The following ALK variants were observed in gnomAD, a reference collection of about 807,000 sequenced individuals.
The protein encoded by ALK is ALK tyrosine kinase receptor.
A neutral mutation model predicts 163.1 loss-of-function variants in ALK; 74 were observed. The observed-to-expected ratio is 0.45, with a 90% confidence interval of 0.38 to 0.55. The LOEUF is 0.55. ALK is among the 20% of genes least tolerant of loss of function. ALK has a pLI of 0.00. For missense variants in ALK, 2,063 were observed against 2,105.3 expected (o/e 0.98, Z 0.39); for synonymous variants, 960 against 843.2 (o/e 1.14, Z -2.40).
chr2:29,400,154 C>A (rs1452409732), intron 4 of ALK, among the ~76,000 whole-genome samples: 1 of 152,152 alleles, frequency 6.6e-6, no homozygotes, highest in Non-Finnish European at 1.5e-5. Flanking sequence ...TACATCATCT[C>A]ATTTAAAAGA....
intron 26 of ALK, 150 bp from the exon 27 acceptor site, chr2:29,197,826 T>C (rs1432799118): frequency 1.4e-6 from 1 of 726,322 alleles, no homozygotes; most frequent in Non-Finnish European, 2.4e-6. Flanking sequence ...TGTAGAAAAA[T>C]TTAAAAAATA....
rs1330722283 is a variant in ALK at position 29,815,038 on chromosome 2, C to T, written c.668-97341G>A. Among the ~76,000 whole-genome samples the T allele has an allele frequency of 3.4e-5, 5 of 147,524 alleles. No individual in the cohort carries two copies. The Admixed American group carries it at 3.4e-4, about 10-fold the overall frequency. ...GACTCGGCCTCAGTGTAACATCTAGCATCTAGTATGGTGCGGGCCATTAGT... is the reference window on the plus strand; with the variant it reads ...GACTCGGCCTCAGTGTAACATCTAGTATCTAGTATGGTGCGGGCCATTAGT... On this transcript the variant is annotated intron_variant, in intron 1 of 28. Coordinates refer to ENST00000389048, the MANE Select transcript of ALK (RefSeq NM_004304.5).
chr2:29,831,017 AGAG>A, intron 1 of ALK, among the ~76,000 whole-genome samples: 1 of 43,064 alleles, frequency 2.3e-5, no homozygotes, highest in African/African-American at 6.4e-5. Flanking sequence ...AAGAAGGGGA[AGAG>A]GAAGGGGAAG....
intron 1 of ALK, among the ~76,000 whole-genome samples, chr2:29,845,511 T>G (rs1665819557): frequency 6.6e-6 from 1 of 152,150 alleles, no homozygotes; most frequent in Non-Finnish European, 1.5e-5. Context: ...CTCAGCTCAC[T>G]GCAACCTCCA....
At chr2:29,871,365 T>C (rs538158407) in intron 1 of ALK, among the ~76,000 whole-genome samples, 2 of 152,302 alleles carry the variant, frequency 1.3e-5, no homozygotes, top group African/African-American at 4.8e-5. Flanking sequence ...GGACGGAATG[T>C]CCTGGAAAGG....
At chr2:29,790,683 A>G (rs1664165834) in intron 1 of ALK, among the ~76,000 whole-genome samples, 1 of 152,124 alleles carries the variant, frequency 6.6e-6, no homozygotes, top group African/African-American at 2.4e-5. Context: ...TCCCAGGTTC[A>G]AGCAATTCTC....
intron 27 of ALK, 126 bp from the exon 28 acceptor site, chr2:29,196,986 G>T: frequency 1.3e-6 from 1 of 740,856 alleles, no homozygotes. Context: ...CGTGTACTTG[G>T]CCTATGCTGC....
intron 1 of ALK, among the ~76,000 whole-genome samples, chr2:29,742,099 G>A (rs544852542): frequency 2.6e-5 from 4 of 152,350 alleles, no homozygotes; most frequent in Admixed American, 2.0e-4. Flanking sequence ...GACAGCCTTC[G>A]CTTCTATTCA....
intron 1 of ALK, among the ~76,000 whole-genome samples, chr2:29,830,663 G>T (rs1482109976): frequency 7.5e-6 from 1 of 134,124 alleles, no homozygotes; most frequent in Non-Finnish European, 1.6e-5. Context: ...GAGGTCAGGA[G>T]TTGAAGACCA....
At position 29,601,889 on chromosome 2, in the gene ALK, A is replaced by G. The variant is rs56909313; in HGVS notation, c.953-69773T>C. 6.6e-3 allele frequency among the ~76,000 whole-genome samples: 997 copies of G among 152,140 alleles called. 6 individuals are homozygous for G. The highest frequency in any genetic ancestry group is 0.023 in the African/African-American group (958 of 41,490). On this transcript the variant is annotated intron_variant, in intron 3 of 28. Transcript: ENST00000389048. ...GATTAGGGGAGATAGAAACTCTGAG[A>G]GAAGCATGTTCAAGCTGGACAGAGA...
intron 1 of ALK, among the ~76,000 whole-genome samples, chr2:29,820,370 T>C (rs58930689): frequency 0.013 from 1,905 of 152,234 alleles, 49 homozygotes; most frequent in African/African-American, 0.044. Context: ...GACCAACAGC[T>C]TGACTGCAAC....
intron 3 of ALK, among the ~76,000 whole-genome samples, chr2:29,564,191 G>T (rs1674108288): frequency 6.6e-6 from 1 of 151,220 alleles, no homozygotes; most frequent in Non-Finnish European, 1.5e-5. Context: ...TCAGCTACAT[G>T]GGAAGCTACC....
intron 3 of ALK, among the ~76,000 whole-genome samples, chr2:29,675,359 A>T (rs1254013709): frequency 6.6e-6 from 1 of 152,072 alleles, no homozygotes; most frequent in Non-Finnish European, 1.5e-5. Context: ...TAATTCTGAC[A>T]ATGAACTATA....
At chr2:29,586,771 A>C (rs984062266) in intron 3 of ALK, among the ~76,000 whole-genome samples, 1 of 152,242 alleles carries the variant, frequency 6.6e-6, no homozygotes, top group Non-Finnish European at 1.5e-5. Flanking sequence ...CACTTTCAAC[A>C]TCCAGGAACA....
chr2:29,450,285 A>G (rs141303240), intron 4 of ALK, among the ~76,000 whole-genome samples: 1 of 152,282 alleles, frequency 6.6e-6, no homozygotes, highest in Non-Finnish European at 1.5e-5. Context: ...ACACTCTGAG[A>G]CTTGCTCATC....
At chr2:29,783,524 A>G (rs1243027534) in intron 1 of ALK, among the ~76,000 whole-genome samples, 1 of 152,224 alleles carries the variant, frequency 6.6e-6, no homozygotes, top group African/African-American at 2.4e-5. Flanking sequence ...ACAACTGCCC[A>G]TTCATGATGT....
chr2:29,711,231 C>A (rs1478159713), intron 2 of ALK, among the ~76,000 whole-genome samples: 1 of 152,220 alleles, frequency 6.6e-6, no homozygotes, highest in Non-Finnish European at 1.5e-5. Flanking sequence ...TCCTCTACAA[C>A]CTTTGCCACA....
intron 4 of ALK, among the ~76,000 whole-genome samples, chr2:29,512,433 G>C (rs887763201): frequency 1.3e-5 from 2 of 148,440 alleles, no homozygotes; most frequent in East Asian, 2.0e-4. Context: ...AAAGGCCTTT[G>C]ACAAAATTCA....
At chr2:29,776,226 A>T (rs373546187) in intron 1 of ALK, among the ~76,000 whole-genome samples, 90 of 1,080 alleles carry the variant, frequency 0.083, 1 homozygote, top group African/African-American at 0.098. Flanking sequence ...GAATTTTGTT[A>T]AAAAAAAAAA....
Sources: allele counts gnomAD v4.1 joint callset (sites outside exome capture counted in the v4.1 genomes callset), GRCh38; gene constraint gnomAD v4.1.1; transcripts MANE v1.5; gene names NCBI Gene and HGNC (gene_info 2026-07-23, HGNC 2026-07-21).